CTNNA3: variants seen among roughly 807,000 people sequenced by gnomAD.
The protein encoded by CTNNA3 is catenin alpha-3.
CTNNA3 carries 76 observed loss-of-function variants against 95.7 expected under a neutral mutation model. The observed-to-expected ratio is 0.79, with a 90% CI of 0.66 to 0.96. The LOEUF (loss-of-function observed/expected upper bound fraction) is 0.96, where lower values mean the gene tolerates loss of function less well. Ranked by LOEUF, CTNNA3 falls within the 40% of genes least tolerant of loss-of-function variation. The pLI, the probability that CTNNA3 is intolerant of heterozygous loss-of-function variation, is 0.00. For synonymous variants in CTNNA3, 431 were observed against 374.4 expected (o/e 1.15, Z -1.74); for missense variants, 1,191 against 1,089.8 (o/e 1.09, Z -1.31).
At position 66,573,568 on chromosome 10, in the gene CTNNA3, C is replaced by G. The variant is rs537533082; in HGVS notation, c.1374+48124G>C. Reference sequence around the variant, plus strand: ...ATATAACAAATACATATGAGAAATTCTTCTTTATGGCTTATTCTATTGAAT... The same window carrying G: ...ATATAACAAATACATATGAGAAATTGTTCTTTATGGCTTATTCTATTGAAT... On this transcript the variant is annotated intron_variant, in intron 10 of 17. Coordinates refer to ENST00000433211, the MANE Select transcript of CTNNA3 (RefSeq NM_013266.4). Among the ~76,000 whole-genome samples, 6 of 152,228 alleles carry G rather than the reference C, an allele frequency of 3.9e-5. No homozygotes were observed. In the East Asian group the frequency reaches 1.2e-3, roughly 29 times the overall value.
chr10:67,088,368 AT>A (rs1564882858), intron 7 of CTNNA3, among the ~76,000 whole-genome samples: 1 of 151,966 alleles, frequency 6.6e-6, no homozygotes, highest in African/African-American at 2.4e-5. Flanking sequence ...AAAACAATGC[AT>A]ATAGCCAATC....
rs1035243787 is a variant in CTNNA3 at position 67,734,712 on chromosome 10, C to A, written c.-2+28722G>T. ...TGGAGGGCAATTTGGCACTAAAATC[C>A]TTTTAAAAGTACATACTTTGACCAA... On this transcript the variant is annotated intron_variant, in intron 1 of 17. Coordinates refer to the CTNNA3 transcript ENST00000684154. Among the ~76,000 whole-genome samples the A allele has an allele frequency of 1.3e-5, 2 of 152,058 alleles. 1 individual carries two copies. The highest frequency in any genetic ancestry group is 4.2e-4 in the South Asian group (2 of 4,816).
chr10:66,899,862 C>T (rs540132061), intron 7 of CTNNA3, among the ~76,000 whole-genome samples: 47 of 152,150 alleles, frequency 3.1e-4, no homozygotes, highest in Non-Finnish European at 5.9e-4. Context: ...TCAAACTGAG[C>T]GGAGCCCACC....
At chr10:66,966,103 G>C (rs1251797091) in intron 7 of CTNNA3, among the ~76,000 whole-genome samples, 1 of 151,692 alleles carries the variant, frequency 6.6e-6, no homozygotes, top group Non-Finnish European at 1.5e-5. Context: ...TGTAAAATTG[G>C]GATAACAATA....
intron 7 of CTNNA3, among the ~76,000 whole-genome samples, chr10:66,887,059 T>C (rs1028654512): frequency 6.6e-5 from 10 of 152,148 alleles, no homozygotes; most frequent in African/African-American, 2.4e-4. Flanking sequence ...AGAACTGTGC[T>C]GTATCTTCAA....
intron 7 of CTNNA3, among the ~76,000 whole-genome samples, chr10:67,105,427 G>C (rs999845031): frequency 3.3e-5 from 5 of 152,036 alleles, no homozygotes; most frequent in African/African-American, 7.2e-5. Context: ...ATAAACTCTT[G>C]AATTGCTGCT....
intron 2 of CTNNA3, among the ~76,000 whole-genome samples, chr10:67,617,780 T>G (rs1843700900): frequency 6.6e-6 from 1 of 151,920 alleles, no homozygotes; most frequent in Admixed American, 6.5e-5. Flanking sequence ...TTTTTTTTTT[T>G]TACTTTTTAA....
intron 5 of CTNNA3, among the ~76,000 whole-genome samples, chr10:67,340,692 T>C (rs1302326906): frequency 2.0e-5 from 3 of 152,308 alleles, no homozygotes; most frequent in East Asian, 3.9e-4. Flanking sequence ...GCTACTGCTG[T>C]TTCCCCAGAA....
intron 5 of CTNNA3, among the ~76,000 whole-genome samples, chr10:67,483,348 CA>C (rs1848314101): frequency 7.0e-6 from 1 of 142,794 alleles, no homozygotes; most frequent in African/African-American, 2.9e-5. Context: ...TTCACAATAG[CA>C]AAGACTTGGA....
At position 66,737,973 on chromosome 10, in the gene CTNNA3, A is replaced by G. The variant is rs558543276; in HGVS notation, c.1281+28291T>C. ...CGCCCGGCCAAAATTTGTGCTTTTA[A>G]GTAACATCCTTCTCTTCCCTGCACT... On this transcript the variant is annotated intron_variant, in intron 9 of 17. Coordinates refer to ENST00000433211, the MANE Select transcript of CTNNA3 (RefSeq NM_013266.4). 9.0e-4 allele frequency among the ~76,000 whole-genome samples: 137 copies of G among 152,280 alleles called. 1 individual carries two copies. Among genetic ancestry groups the G allele is most frequent in the Middle Eastern group, 3.4e-3 (1 of 294 alleles).
At chr10:66,608,272 A>T (rs1041256506) in intron 10 of CTNNA3, among the ~76,000 whole-genome samples, 3 of 152,096 alleles carry the variant, frequency 2.0e-5, no homozygotes, top group Non-Finnish European at 4.4e-5. Flanking sequence ...TAAGAATTAC[A>T]AAACACTGCT....
intron 1 of CTNNA3, among the ~76,000 whole-genome samples, chr10:67,675,248 T>G (rs1840514746): frequency 6.6e-6 from 1 of 152,134 alleles, no homozygotes; most frequent in Non-Finnish European, 1.5e-5. Context: ...AAATGATGTA[T>G]GAGTCAACTA....
rs575351812 is a variant in CTNNA3 at position 67,113,644 on chromosome 10, C to A, written c.1047+66673G>T. Among the ~76,000 whole-genome samples, 82 of 152,146 alleles carry A rather than the reference C, an allele frequency of 5.4e-4. 1 individual carries two copies. The highest frequency in any genetic ancestry group is 1.9e-3 in the African/African-American group (79 of 41,504). ...TTATTCTGCCACCCAGGCTGCAGTA[C>A]AGTGGTATGATAATAGCTTACTAGG... On this transcript the variant is annotated intron_variant, in intron 7 of 17. Transcript: ENST00000433211.
intron 14 of CTNNA3, among the ~76,000 whole-genome samples, chr10:66,076,792 GA>G (rs1306690365): frequency 6.6e-6 from 1 of 151,484 alleles, no homozygotes; most frequent in Non-Finnish European, 1.5e-5. Flanking sequence ...GAGCACTTTT[GA>G]AAAAATTATG....
At chr10:66,486,227 C>A (rs1225347999) in intron 11 of CTNNA3, among the ~76,000 whole-genome samples, 3 of 152,098 alleles carry the variant, frequency 2.0e-5, no homozygotes, top group Non-Finnish European at 4.4e-5. Context: ...AACTGAAAAT[C>A]ATTTGTACAG....
intron 13 of CTNNA3, among the ~76,000 whole-genome samples, chr10:66,267,719 T>C (rs1411506883): frequency 6.6e-6 from 1 of 152,176 alleles, no homozygotes; most frequent in Admixed American, 6.6e-5. Context: ...TTTCCCATGT[T>C]CATGATAATC....
At chr10:66,579,725 A>AT (rs1332814648) in intron 10 of CTNNA3, among the ~76,000 whole-genome samples, 20 of 151,500 alleles carry the variant, frequency 1.3e-4, no homozygotes, top group African/African-American at 4.4e-4. Context: ...TTTCTCCTTT[A>AT]TTTCTGAAGA....
intron 6 of CTNNA3, among the ~76,000 whole-genome samples, chr10:67,211,629 A>G (rs924563698): frequency 6.6e-6 from 1 of 152,176 alleles, no homozygotes; most frequent in Non-Finnish European, 1.5e-5. Context: ...AATATGAATA[A>G]GGCATTATTC....
At chr10:67,033,022 A>G (rs1853829129) in intron 7 of CTNNA3, among the ~76,000 whole-genome samples, 1 of 152,196 alleles carries the variant, frequency 6.6e-6, no homozygotes, top group Non-Finnish European at 1.5e-5. Flanking sequence ...ATTTTACAGT[A>G]CTTTTACCAA....
Sources: gnomAD v4.1 joint callset for allele counts (sites outside exome capture counted in the v4.1 genomes callset) on GRCh38, gnomAD v4.1.1 for gene constraint, MANE v1.5 for transcripts, NCBI Gene and HGNC (gene_info 2026-07-23, HGNC 2026-07-21) for gene names.